PTPRG: variants seen among roughly 807,000 people sequenced by gnomAD.
The protein encoded by PTPRG is protein tyrosine phosphatase receptor type G.
PTPRG carries 102 observed loss-of-function variants against 165.3 expected under a neutral mutation model. The observed-to-expected ratio is 0.62, with a 90% CI of 0.53 to 0.73. PTPRG has a LOEUF of 0.73. Among genes scored for constraint, PTPRG ranks in the 30% least tolerant of loss-of-function variants. PTPRG has a pLI of 0.00. For missense variants in PTPRG, 1,866 were observed against 1,861.4 expected, an observed-to-expected ratio of 1.00 and a Z score of -0.05; for synonymous variants, 675 against 669.5, an observed-to-expected ratio of 1.01 and a Z score of -0.13.
At position 62,197,274 on chromosome 3, in the gene PTPRG, T is replaced by C. The variant is rs181817760; in HGVS notation, c.1327+2104T>C. ...CACATAGTGCTAGTTACTGGCACTATGTATAAATCCCCCCCTTAGTATTAG... is the reference window on the plus strand; with the variant it reads ...CACATAGTGCTAGTTACTGGCACTACGTATAAATCCCCCCCTTAGTATTAG... On this transcript the variant is annotated intron_variant, in intron 10 of 29. Transcript: ENST00000474889. Among the ~76,000 whole-genome samples the C allele has an allele frequency of 4.0e-3, 611 of 152,298 alleles. 2 individuals carry two copies. The highest frequency in any genetic ancestry group is 0.017 in the Middle Eastern group (5 of 294).
intron 5 of PTPRG, among the ~76,000 whole-genome samples, chr3:62,119,521 A>G (rs113467722): frequency 0.01 from 1,554 of 152,302 alleles, 30 homozygotes; most frequent in African/African-American, 0.034. Context: ...GTAGGGAACC[A>G]TGGAAATCCT....
chr3:62,148,106 A>G (rs1315740637), intron 6 of PTPRG, among the ~76,000 whole-genome samples: 1 of 152,210 alleles, frequency 6.6e-6, no homozygotes, highest in African/African-American at 2.4e-5. Context: ...AGATCGTGCC[A>G]CTGCACTCCA....
intron 2 of PTPRG, among the ~76,000 whole-genome samples, chr3:61,966,716 G>A (rs1186094308): frequency 6.6e-6 from 1 of 152,090 alleles, no homozygotes; most frequent in Non-Finnish European, 1.5e-5. Flanking sequence ...TGGGAACAAT[G>A]GGAAGCCAAA....
intron 1 of PTPRG, among the ~76,000 whole-genome samples, chr3:61,653,543 C>T (rs6445234): frequency 0.99 from 150,368 of 152,250 alleles, 74,292 homozygotes; most frequent in East Asian, 1. Flanking sequence ...GGCACCCCTG[C>T]TTCAGGTACC....
chr3:62,158,228 A>G (rs1164411512), intron 7 of PTPRG, among the ~76,000 whole-genome samples: 1 of 152,188 alleles, frequency 6.6e-6, no homozygotes, highest in Non-Finnish European at 1.5e-5. Flanking sequence ...GTTTGAATGC[A>G]TGGTTGGGGA....
chr3:61,864,855 A>T (rs11713415), intron 2 of PTPRG, among the ~76,000 whole-genome samples: 14,889 of 152,158 alleles, frequency 0.098, 1,095 homozygotes, highest in African/African-American at 0.2. Flanking sequence ...TTCTTCCCAG[A>T]TTGCTCCACA....
intron 2 of PTPRG, among the ~76,000 whole-genome samples, chr3:61,871,163 GTGTTATGTTATGTTA>G (rs201503322): frequency 0.097 from 11,229 of 115,626 alleles, 640 homozygotes; most frequent in East Asian, 0.22. Context: ...GTGTTGTGTT[GTGTTATGTTATGTTA>G]TGTTATGTTA....
At chr3:62,165,148 A>G (rs1297837846) in intron 7 of PTPRG, among the ~76,000 whole-genome samples, 2 of 152,208 alleles carry the variant, frequency 1.3e-5, no homozygotes, top group South Asian at 2.1e-4. Context: ...GAGGGGCTTT[A>G]TGAAATTACT....
At chr3:61,766,365 CA>C (rs1176761515) in intron 2 of PTPRG, among the ~76,000 whole-genome samples, 1 of 152,120 alleles carries the variant, frequency 6.6e-6, no homozygotes, top group Non-Finnish European at 1.5e-5. Context: ...AGACTAATTC[CA>C]AAAGAGTTTC....
intron 17 of PTPRG, chr3:62,263,748 TACGC>T (rs1303145250): frequency 2.0e-5 from 3 of 152,300 alleles, no homozygotes; most frequent in Non-Finnish European, 4.4e-5. Context: ...CACAGTGGCT[TACGC>T]CTGTAATCCC....
intron 1 of PTPRG, among the ~76,000 whole-genome samples, chr3:61,593,401 A>G (rs986037032): frequency 1.6e-4 from 2 of 12,832 alleles, no homozygotes; most frequent in East Asian, 2.0e-3. Flanking sequence ...AATGAATTGG[A>G]AAAAAAAAAA....
chr3:61,789,661 C>G (rs532770370), intron 2 of PTPRG, among the ~76,000 whole-genome samples: 1 of 152,214 alleles, frequency 6.6e-6, no homozygotes, highest in African/African-American at 2.4e-5. Flanking sequence ...CCTGATATAT[C>G]TAAAGATCAA....
At chr3:61,991,164 G>A (rs2040878535) in intron 3 of PTPRG, among the ~76,000 whole-genome samples, 1 of 152,118 alleles carries the variant, frequency 6.6e-6, no homozygotes, top group Non-Finnish European at 1.5e-5. Context: ...TATATGAGTA[G>A]CTGCGTAGAA....
At chr3:61,852,050 T>C (rs920996216) in intron 2 of PTPRG, among the ~76,000 whole-genome samples, 1 of 152,288 alleles carries the variant, frequency 6.6e-6, no homozygotes, top group East Asian at 1.9e-4. Flanking sequence ...GTTGATACAA[T>C]TGGGGCTGTA....
intron 2 of PTPRG, among the ~76,000 whole-genome samples, chr3:61,848,269 G>C (rs975695361): frequency 7.9e-5 from 12 of 152,164 alleles, no homozygotes; most frequent in East Asian, 7.7e-4. Context: ...CCACCTTCAC[G>C]CGTGGTTGTG....
At chr3:62,100,629 A>C (rs1274894989) in intron 5 of PTPRG, among the ~76,000 whole-genome samples, 3 of 152,232 alleles carry the variant, frequency 2.0e-5, no homozygotes, top group Non-Finnish European at 1.5e-5. Context: ...AGAAGCACAC[A>C]GGAATGTATG....
At chr3:62,167,261 CATCTGGTAA>C (rs1705025726) in intron 7 of PTPRG, among the ~76,000 whole-genome samples, 1 of 152,110 alleles carries the variant, frequency 6.6e-6, no homozygotes, top group Non-Finnish European at 1.5e-5. Flanking sequence ...TCCGATTACC[CATCTGGTAA>C]ATGTTGAACT....
chr3:61,625,273 A>C (rs1452243852), intron 1 of PTPRG, among the ~76,000 whole-genome samples: 1 of 137,476 alleles, frequency 7.3e-6, no homozygotes, highest in African/African-American at 2.8e-5. Flanking sequence ...TAACATTATC[A>C]GTCAAACTTT....
intron 2 of PTPRG, among the ~76,000 whole-genome samples, chr3:61,932,887 G>A (rs1014395906): frequency 6.6e-6 from 1 of 152,142 alleles, no homozygotes. Flanking sequence ...AGGCAGTGCC[G>A]CAGAGCCTTG....
Sources: allele counts gnomAD v4.1 joint callset (sites outside exome capture counted in the v4.1 genomes callset), GRCh38; gene constraint gnomAD v4.1.1; transcripts MANE v1.5; gene names NCBI Gene and HGNC (gene_info 2026-07-23, HGNC 2026-07-21).